Variants in MPPED2 observed in about 807,000 individuals in gnomAD.
The protein encoded by MPPED2 is metallophosphoesterase domain containing 2, also known as metallophosphoesterase MPPED2.
Under a neutral mutation model 33.0 loss-of-function variants are expected in MPPED2, and 5 were observed. That is an observed-to-expected ratio of 0.15 (90% CI 0.08 to 0.32). MPPED2 has a LOEUF of 0.32. Among genes scored for constraint, MPPED2 ranks in the 10% least tolerant of loss-of-function variants. The pLI is 1.00. For missense variants in MPPED2, 275 were observed against 372.1 expected, an observed-to-expected ratio of 0.74 and a Z score of 2.15; for synonymous variants, 136 against 141.9, an observed-to-expected ratio of 0.96 and a Z score of 0.29.
chr11:30,398,785 G>T (rs1947869751), intron 6 of MPPED2, among the ~76,000 whole-genome samples: 1 of 152,124 alleles, frequency 6.6e-6, no homozygotes, highest in South Asian at 2.1e-4. Flanking sequence ...AGTCCATCCA[G>T]TAAGGAGCAT....
At chr11:30,582,321 AG>A (rs754518117) in intron 1 of MPPED2, among the ~76,000 whole-genome samples, 1 of 152,232 alleles carries the variant, frequency 6.6e-6, no homozygotes, top group Non-Finnish European at 1.5e-5. Context: ...TAGCCATCAA[AG>A]CACAGAGGGG....
chr11:30,459,720 G>A (rs1042152824), intron 4 of MPPED2, among the ~76,000 whole-genome samples: 2 of 152,142 alleles, frequency 1.3e-5, no homozygotes, highest in African/African-American at 4.8e-5. Context: ...ATGTCCTCCT[G>A]CTCCCTCCTC....
At chr11:30,450,751 A>T (rs921857999) in intron 4 of MPPED2, among the ~76,000 whole-genome samples, 1 of 152,248 alleles carries the variant, frequency 6.6e-6, no homozygotes, top group Non-Finnish European at 1.5e-5. Flanking sequence ...GGAGTTTTCC[A>T]GTTTGTACAG....
At chr11:30,482,971 A>AT (rs11369008) in intron 4 of MPPED2, among the ~76,000 whole-genome samples, 15,745 of 152,116 alleles carry the variant, frequency 0.1, 1,736 homozygotes, top group African/African-American at 0.28. Flanking sequence ...ATACCTTGTG[A>AT]TTTTCCCTTC....
intron 4 of MPPED2, among the ~76,000 whole-genome samples, chr11:30,451,323 A>G (rs1450403889): frequency 6.6e-6 from 1 of 152,202 alleles, no homozygotes; most frequent in Non-Finnish European, 1.5e-5. Context: ...CACAAAGCTT[A>G]GGCCCCTCTT....
At chr11:30,391,625 G>C (rs148340062) in intron 6 of MPPED2, among the ~76,000 whole-genome samples, 1 of 151,936 alleles carries the variant, frequency 6.6e-6, no homozygotes, top group Non-Finnish European at 1.5e-5. Context: ...GTACATGTGT[G>C]GATTCAATAA....
intron 4 of MPPED2, among the ~76,000 whole-genome samples, chr11:30,483,450 G>A (rs1191213816): frequency 1.3e-5 from 2 of 152,092 alleles, no homozygotes; most frequent in African/African-American, 2.4e-5. Flanking sequence ...AAACAAACTT[G>A]TCTTCCATAA....
intron 4 of MPPED2, 93 bp downstream of exon 4, chr11:30,495,203 A>G: frequency 1.2e-6 from 1 of 863,508 alleles, no homozygotes; most frequent in Non-Finnish European, 1.9e-6. Flanking sequence ...CTTTCATCCT[A>G]ATCATTTTCA....
intron 2 of MPPED2, among the ~76,000 whole-genome samples, chr11:30,544,283 A>G (rs756869000): frequency 4.7e-4 from 72 of 152,136 alleles, no homozygotes; most frequent in Non-Finnish European, 5.9e-4. Context: ...CCCTTCTAAC[A>G]TGGCAATCAC....
intron 2 of MPPED2, among the ~76,000 whole-genome samples, chr11:30,540,733 G>C (rs1393006786): frequency 6.6e-6 from 1 of 152,052 alleles, no homozygotes; most frequent in African/African-American, 2.4e-5. Flanking sequence ...TTTATTTCCT[G>C]CCTGTCCCTC....
At chr11:30,507,725 G>C (rs113750457) in intron 3 of MPPED2, among the ~76,000 whole-genome samples, 29 of 152,172 alleles carry the variant, frequency 1.9e-4, no homozygotes, top group Non-Finnish European at 2.4e-4. Context: ...CTTCCTGGGG[G>C]GTGTGAAATC....
intron 3 of MPPED2, among the ~76,000 whole-genome samples, chr11:30,519,173 T>C (rs907167679): frequency 6.6e-6 from 1 of 151,980 alleles, no homozygotes; most frequent in African/African-American, 2.4e-5. Flanking sequence ...TCCCAGCTAC[T>C]TGGGAGAATT....
At chr11:30,504,831 G>T in intron 3 of MPPED2, 1 of 1,280,314 alleles carries the variant, frequency 7.8e-7, no homozygotes, top group Non-Finnish European at 1.0e-6. Flanking sequence ...TGGGAAACCA[G>T]GTCTAAGAAA....
intron 4 of MPPED2, among the ~76,000 whole-genome samples, chr11:30,457,313 C>G (rs1469859092): frequency 1.3e-5 from 2 of 150,346 alleles, no homozygotes; most frequent in African/African-American, 4.9e-5. Context: ...GTCATAAGCC[C>G]GTACTATAAA....
intron 3 of MPPED2, among the ~76,000 whole-genome samples, chr11:30,499,832 T>C (rs1157275916): frequency 6.6e-6 from 1 of 152,230 alleles, no homozygotes; most frequent in Non-Finnish European, 1.5e-5. Context: ...AGCCCTCAAC[T>C]GAGGTTATTA....
At chr11:30,421,410 A>G (rs1195165472) in intron 4 of MPPED2, among the ~76,000 whole-genome samples, 3 of 152,078 alleles carry the variant, frequency 2.0e-5, no homozygotes, top group Admixed American at 6.6e-5. Context: ...AAGTTTAACA[A>G]TGTCTGTCTT....
intron 3 of MPPED2, among the ~76,000 whole-genome samples, chr11:30,496,162 CT>C (rs1226197294): frequency 1.3e-5 from 2 of 152,124 alleles, no homozygotes; most frequent in Admixed American, 1.3e-4. Context: ...GTTTAACCCT[CT>C]TTTAATATTT....
At chr11:30,386,492 C>G in exon 7 of MPPED2, 1 of 356,914 alleles carries the variant, frequency 2.8e-6, no homozygotes, top group Non-Finnish European at 5.0e-6. Context: ...GCAGCTTCCA[C>G]CAGGTGTTAG....
At chr11:30,394,454 A>T (rs1947816131) in intron 6 of MPPED2, among the ~76,000 whole-genome samples, 1 of 152,182 alleles carries the variant, frequency 6.6e-6, no homozygotes, top group Admixed American at 6.5e-5. Flanking sequence ...GCTTTTTTTT[A>T]AATGGCCATT....
Sources: allele counts gnomAD v4.1 joint callset (sites outside exome capture counted in the v4.1 genomes callset), GRCh38; gene constraint gnomAD v4.1.1; transcripts MANE v1.5; gene names NCBI Gene and HGNC (gene_info 2026-07-23, HGNC 2026-07-21).